The following DMRT2 variants were observed in gnomAD, a reference collection of about 807,000 sequenced individuals.
DMRT2 encodes the protein doublesex and mab-3 related transcription factor 2, also known as doublesex- and mab-3-related transcription factor 2.
In DMRT2, 33 loss-of-function variants were observed where a neutral mutation model predicts 43.5. That is an observed-to-expected ratio of 0.76 (90% CI 0.58 to 1.01). The LOEUF (loss-of-function observed/expected upper bound fraction) is 1.01, where lower values mean the gene tolerates loss of function less well. DMRT2 is among the 50% of genes least tolerant of loss of function. The pLI is 0.00. For missense variants in DMRT2, 1,064 were observed against 748.0 expected, an observed-to-expected ratio of 1.42 and a Z score of -4.93; for synonymous variants, 395 against 309.2, an observed-to-expected ratio of 1.28 and a Z score of -2.91.
Position 1,053,714 on chromosome 9 carries a change from G to A in DMRT2, c.526-8G>A. On this transcript the variant is annotated splice_polypyrimidine_tract_variant and splice_region_variant and intron_variant, in intron 2 of 3. Coordinates refer to ENST00000358146, the MANE Select transcript of DMRT2 (RefSeq NM_181872.6). ...GGGCATTATTGATGATGTTTCTTGT[G>A]TTTACAGGACAAGAAGGGGCTTTCC... is the stretch of plus-strand genomic sequence containing the variant. 2 of 1,609,428 alleles carry A rather than the reference G, an allele frequency of 1.2e-6. No homozygotes were observed. Among genetic ancestry groups the A allele is most frequent in the Non-Finnish European group, 1.7e-6 (2 of 1,177,178 alleles).
chr9:1,056,142 G>A, intron 3 of DMRT2, 74 bp from the exon 4 acceptor site: 1 of 1,529,182 alleles, frequency 6.5e-7, no homozygotes, highest in East Asian at 2.3e-5. Flanking sequence ...TAGTGTTGCT[G>A]TTACCTTCTG....
chr9:1,056,212 G>T lies in DMRT2; in HGVS notation c.629-4G>T, dbSNP rs991813721. ...CTTTCATGTGCAATCTTTGCTTCTTGTAGGCTATCGCCCCATTCCAGCGGA... is the reference window on the plus strand; with the variant it reads ...CTTTCATGTGCAATCTTTGCTTCTTTTAGGCTATCGCCCCATTCCAGCGGA... On this transcript the variant is annotated splice_polypyrimidine_tract_variant and splice_region_variant and intron_variant, in intron 3 of 3. Transcript: ENST00000358146. 6.3e-7 allele frequency: 1 copy of T among 1,592,318 alleles called. No homozygotes were observed. Among genetic ancestry groups the T allele is most frequent in the African/African-American group, 1.4e-5 (1 of 73,528 alleles).
rs577606622 is a variant in DMRT2, at chr9:1,051,032, T to C, written c.-45+257T>C. ...CAGTTGAGTATTTTGGGGAGGGGGG[T>C]GAGAGGACCTCTTCAAGCCCAAGGA... is the stretch of plus-strand genomic sequence containing the variant. On this transcript the variant is annotated intron_variant, in intron 1 of 3. Transcript: ENST00000358146. This position sits in a 1 kb window ranked among gnomAD's most constrained non-coding sequence, Gnocchi z 5.9. Among the ~76,000 whole-genome samples, 41 of 151,630 alleles carry C rather than the reference T, an allele frequency of 2.7e-4. No individual in the cohort carries two copies. The highest frequency in any genetic ancestry group is 9.9e-4 in the African/African-American group (41 of 41,264).
At position 1,056,319 on chromosome 9, in the gene DMRT2, G is replaced by C. The variant is rs145305702; in HGVS notation, c.732G>C (p.Glu244Asp). The C allele has an allele frequency of 9.6e-5, 155 of 1,614,090 alleles. No homozygotes were observed. The highest frequency in any genetic ancestry group is 1.3e-4 in the Non-Finnish European group (149 of 1,180,056). ...AAAGAAGAGCCTTTGCTGATAAAGAGTTGGAGAACATTATGCTGGAGAGAG... is the reference window on the plus strand; with the variant it reads ...AAAGAAGAGCCTTTGCTGATAAAGACTTGGAGAACATTATGCTGGAGAGAG... ...MRKRRAFADK[E>D]LENIMLEREY... Residue 244 changes from glutamate (E) to aspartate (D), a missense_variant, in exon 4 of 4, where the codon GAG becomes GAC. By Grantham distance (45) the Glu-to-Asp change is conservative. Coordinates refer to ENST00000358146, the MANE Select transcript of DMRT2 (RefSeq NM_181872.6).
chr9:1,053,874 C>G, intron 3 of DMRT2, 50 bp downstream of exon 3: 2 of 1,448,678 alleles, frequency 1.4e-6, no homozygotes, highest in Admixed American at 1.7e-5. Context: ...TTGAGTGACT[C>G]TCATTAATCA....
rs1461943479 is a variant in DMRT2 at position 1,056,617 on chromosome 9, T to C, written c.1030T>C (p.Trp344Arg). 6.2e-7 allele frequency: 1 copy of C among 1,614,206 alleles called. No homozygotes were observed. The highest frequency in any genetic ancestry group is 8.5e-7 in the Non-Finnish European group (1 of 1,180,038). ...TCCCTTGTCCTCAAGATTTTTAGTT[T>C]GGCCCAAGTGTGGCCCCATTAGCGA... Reference protein sequence around the residue: ...QYPLSSRFLVWPKCGPISDTL... With the variant: ...QYPLSSRFLVRPKCGPISDTL... The change falls in exon 4 of 4, where the codon TGG becomes CGG. Residue 344 changes from tryptophan (W) to arginine (R), a missense_variant. Coordinates refer to ENST00000358146, the MANE Select transcript of DMRT2 (RefSeq NM_181872.6).
At chr9:1,054,020 G>T (rs1351888615) in intron 3 of DMRT2, among the ~76,000 whole-genome samples, 196 bp downstream of exon 3, 1 of 152,158 alleles carries the variant, frequency 6.6e-6, no homozygotes, top group Non-Finnish European at 1.5e-5. Context: ...GCATGGCCCG[G>T]GAACCAGAAA....
Position 1,056,591 on chromosome 9 carries a change from A to C in DMRT2, c.1004A>C (p.Tyr335Ser). Residue 335 changes from tyrosine to serine, a missense_variant, in exon 4 of 4, where the codon TAT becomes TCT. Coordinates refer to ENST00000358146, the MANE Select transcript of DMRT2 (RefSeq NM_181872.6). ...AGCGTGGCCACAACTTATAGACAGT[A>C]TCCCTTGTCCTCAAGATTTTTAGTT... is the stretch of plus-strand genomic sequence containing the variant. ...NVSVATTYRQ[Y>S]PLSSRFLVWP... 6.2e-7 allele frequency: 1 copy of C among 1,614,216 alleles called. No homozygotes were observed. Among genetic ancestry groups the C allele is most frequent in the South Asian group, 1.1e-5 (1 of 91,080 alleles).
chr9:1,054,924 T>C (rs1821866275), intron 3 of DMRT2, among the ~76,000 whole-genome samples: 1 of 152,238 alleles, frequency 6.6e-6, no homozygotes. Flanking sequence ...GTTTTTTTCT[T>C]GTGTAGCTTC....
intron 3 of DMRT2, chr9:1,055,667 T>C (rs956722261): frequency 7.0e-7 from 1 of 1,436,536 alleles, no homozygotes; most frequent in South Asian, 1.5e-5. Flanking sequence ...AGCCTTTTTT[T>C]TCTTTTTCTA....
At position 1,056,696 on chromosome 9, in the gene DMRT2, T is replaced by C. The variant is rs1822015506; in HGVS notation, c.1109T>C (p.Leu370Pro). The change falls in exon 4 of 4, where the codon CTG (leucine) becomes CCG (proline). Residue 370 changes from leucine to proline, a missense_variant. Physicochemically the swap from Leu to Pro is moderately conservative, Grantham distance 98. Transcript: ENST00000358146. ...LLNATTSVQA[L>P]KPGASWDLKG... ...AATGCCACCACCTCAGTTCAAGCCC[T>C]GAAGCCTGGGGCCAGCTGGGACTTG... The C allele has an allele frequency of 6.2e-7, 1 of 1,614,050 alleles. No homozygotes were observed. Among genetic ancestry groups the C allele is most frequent in the African/African-American group, 1.3e-5 (1 of 74,928 alleles).
Position 1,051,929 on chromosome 9 carries a change from A to G in DMRT2, c.316A>G (p.Thr106Ala). Residue 106 changes from threonine to alanine, a missense_variant, in exon 2 of 4, where the codon ACT becomes GCT. Coordinates refer to ENST00000358146, the MANE Select transcript of DMRT2 (RefSeq NM_181872.6). This position sits in a 1 kb window ranked among gnomAD's most constrained non-coding sequence, Gnocchi z 5.9. The stretch of plus-strand genomic sequence containing the variant: ...CGGCACCGGTCCCCGAGAGCGCTGC[A>G]CTCCCGCGGGCGGCGGCGCGGAGCC... ...PAGTGPRERC[T>A]PAGGGAEPRK... is the part of the protein sequence containing the mutation. 3 of 1,364,482 alleles carry G rather than the reference A, an allele frequency of 2.2e-6. No individual in the cohort carries two copies. The highest frequency in any genetic ancestry group is 2.8e-6 in the Non-Finnish European group (3 of 1,068,346). The allele number at this position is 1,364,482 out of a possible 1,614,324, so 84.5% of individuals were successfully genotyped here. A position where few individuals can be genotyped will look rare whatever the true frequency, so the allele number is the denominator to read the frequency against.
In DMRT2 at chr9:1,053,761, C is replaced by T. The variant is rs201585505; in HGVS notation, c.565C>T (p.Arg189Cys). Residue 189 changes from arginine to cysteine, a missense_variant, in exon 3 of 4, where the codon CGC becomes TGC. Physicochemically the swap from Arg to Cys is radical, Grantham distance 180. Transcript: ENST00000358146. ...GLSGKQNNFE[R>C]KAVYQRQVRA... is the part of the protein sequence containing the mutation. ...TTCCGGGAAACAGAATAATTTCGAG[C>T]GCAAAGCTGTGTACCAGAGGCAAGT... 1.8e-5 allele frequency: 29 copies of T among 1,613,994 alleles called. No homozygotes were observed. The highest frequency in any genetic ancestry group is 2.4e-5 in the Non-Finnish European group (28 of 1,179,952).
At chr9:1,052,418 A>G (rs1427171896) in intron 2 of DMRT2, among the ~76,000 whole-genome samples, 2 of 151,964 alleles carry the variant, frequency 1.3e-5, no homozygotes, top group Non-Finnish European at 2.9e-5. Flanking sequence ...GAGAAAATCA[A>G]TGTTTTTATT....
rs1441190796 is a variant in DMRT2 at position 1,051,200 on chromosome 9, G to T, written c.-44-370G>T. 6.6e-6 allele frequency among the ~76,000 whole-genome samples: 1 copy of T among 152,166 alleles called. No individual in the cohort carries two copies. Among genetic ancestry groups the T allele is most frequent in the Non-Finnish European group, 1.5e-5 (1 of 68,046 alleles). ...TATATGCATCATGGCCATACTAGTT[G>T]AGTATGGGGAAATCCGACAAGTGGC... On this transcript the variant is annotated intron_variant, in intron 1 of 3. Transcript: ENST00000358146. The surrounding 1 kb of genome is among the most constrained non-coding windows in gnomAD (Gnocchi z 5.9).
rs1006425526 is a variant in DMRT2, at chr9:1,056,601, C to G, written c.1014C>G (p.Ser338=). 3 of 1,614,180 alleles carry G rather than the reference C, an allele frequency of 1.9e-6. No individual in the cohort carries two copies. Among genetic ancestry groups the G allele is most frequent in the Non-Finnish European group, 2.5e-6 (3 of 1,180,038 alleles). The part of the protein sequence containing the change: ...VATTYRQYPL[S]SRFLVWPKCG... ...CAACTTATAGACAGTATCCCTTGTC[C>G]TCAAGATTTTTAGTTTGGCCCAAGT... The change falls in exon 4 of 4, where the codon TCC becomes TCG. Residue 338 remains serine (S), a synonymous_variant. Transcript: ENST00000358146.
chr9:1,057,069 G>A lies in DMRT2; in HGVS notation c.1482G>A (p.Glu494=). ...AGTTGAAAACACCATTTGTCAAAGA[G>A]GCCTTTGAAGAGACCCCTAAGAAAC... is the stretch of plus-strand genomic sequence containing the variant. ...GPELKTPFVK[E]AFEETPKKHR... Residue 494 remains glutamate (E), a synonymous_variant, in exon 4 of 4, where the codon GAG becomes GAA. Coordinates refer to ENST00000358146, the MANE Select transcript of DMRT2 (RefSeq NM_181872.6). 1 of 1,614,148 alleles carries A rather than the reference G, an allele frequency of 6.2e-7. No homozygotes were observed. Among genetic ancestry groups the A allele is most frequent in the South Asian group, 1.1e-5 (1 of 91,076 alleles).
At position 1,056,877 on chromosome 9, in the gene DMRT2, C is replaced by A. The variant is rs113111105; in HGVS notation, c.1290C>A (p.Ser430=). The A allele has an allele frequency of 4.9e-4, 783 of 1,614,158 alleles. 1 individual carries two copies. The African/African-American group carries it at 7.3e-3, about 15-fold the overall frequency. ...HQAVPERSAF[S]PPRRNFSPIV... is the part of the protein sequence containing the mutation. ...CTGTCCCAGAGAGGTCCGCGTTCTC[C>A]CCACCCCGACGGAATTTCTCTCCCA... Residue 430 remains serine, a synonymous_variant, in exon 4 of 4, where the codon TCC becomes TCA. Transcript: ENST00000358146.
chr9:1,054,455 A>ACTT (rs1821832297), intron 3 of DMRT2, among the ~76,000 whole-genome samples: 1 of 151,282 alleles, frequency 6.6e-6, no homozygotes, highest in Non-Finnish European at 1.5e-5. Flanking sequence ...ATTATTCCAA[A>ACTT]CTTCATTTTT....
Sources: allele counts gnomAD v4.1 joint callset (sites outside exome capture counted in the v4.1 genomes callset), GRCh38; gene constraint gnomAD v4.1.1; non-coding constraint Gnocchi (gnomAD v3.1); transcripts MANE v1.5; gene names NCBI Gene and HGNC (gene_info 2026-07-23, HGNC 2026-07-21).